The following MSRB3 variants were observed in gnomAD, a reference collection of about 807,000 sequenced individuals.
MSRB3 encodes the protein methionine-R-sulfoxide reductase B3.
MSRB3 carries 13 observed loss-of-function variants against 21.0 expected under a neutral mutation model. The ratio of observed to expected loss-of-function variants is 0.62; its 90% confidence interval spans 0.40 to 0.98. The LOEUF is 0.98. MSRB3 is among the 50% of genes least tolerant of loss of function. The pLI, the probability that MSRB3 is intolerant of heterozygous loss-of-function variation, is 0.00. For synonymous variants in MSRB3, 87 were observed against 88.6 expected (o/e 0.98, Z 0.10); for missense variants, 199 against 230.3 (o/e 0.86, Z 0.88).
At chr12:65,371,859 C>CA (rs1878347881) in intron 5 of MSRB3, among the ~76,000 whole-genome samples, 1 of 151,724 alleles carries the variant, frequency 6.6e-6, no homozygotes, top group African/African-American at 2.4e-5. Context: ...TTTTTTTTTA[C>CA]AAAAGCAAAT....
chr12:65,417,758 T>C (rs1379830439), intron 5 of MSRB3, among the ~76,000 whole-genome samples: 1 of 152,226 alleles, frequency 6.6e-6, no homozygotes, highest in East Asian at 1.9e-4. Context: ...GCCTGGCTTG[T>C]TTCAATTAAC....
intron 1 of MSRB3, among the ~76,000 whole-genome samples, chr12:65,280,358 A>AT (rs1046315167): frequency 6.6e-5 from 10 of 152,190 alleles, no homozygotes; most frequent in Admixed American, 5.9e-4. Context: ...CTAATTTCAC[A>AT]TTTTTCAATG....
intron 5 of MSRB3, among the ~76,000 whole-genome samples, chr12:65,383,989 C>T (rs561993518): frequency 2.6e-5 from 4 of 151,966 alleles, no homozygotes; most frequent in East Asian, 1.9e-4. Context: ...ATATGCTGCT[C>T]GATAACAATC....
intron 2 of MSRB3, among the ~76,000 whole-genome samples, chr12:65,311,533 C>T (rs570715039): frequency 6.6e-6 from 1 of 151,894 alleles, no homozygotes; most frequent in Non-Finnish European, 1.5e-5. Context: ...AGTAATGAAA[C>T]AGACTGCTTA....
intron 4 of MSRB3, among the ~76,000 whole-genome samples, chr12:65,355,884 A>G (rs1169308163): frequency 5.3e-5 from 8 of 151,888 alleles, no homozygotes; most frequent in Admixed American, 3.3e-4. Context: ...TTGAGGTTCA[A>G]ACTGTGGATC....
At chr12:65,442,274 G>T (rs1271262903) in intron 5 of MSRB3, among the ~76,000 whole-genome samples, 1 of 151,952 alleles carries the variant, frequency 6.6e-6, no homozygotes, top group African/African-American at 2.4e-5. Flanking sequence ...CCCCTCAGAA[G>T]TAATCTTACA....
chr12:65,399,995 T>G (rs1269872994), intron 5 of MSRB3, among the ~76,000 whole-genome samples: 1 of 152,176 alleles, frequency 6.6e-6, no homozygotes, highest in Middle Eastern at 3.2e-3. Context: ...GTTGCTGGAT[T>G]TGGTTTGCCA....
chr12:65,427,630 G>C (rs984944783), intron 5 of MSRB3, among the ~76,000 whole-genome samples: 2 of 152,308 alleles, frequency 1.3e-5, no homozygotes, highest in Non-Finnish European at 2.9e-5. Flanking sequence ...GGCACAAAAG[G>C]AAGGAATATG....
rs577784403 is a variant in MSRB3 at position 65,306,292 on chromosome 12, T to A, written c.-51-2237T>A. On this transcript the variant is annotated intron_variant, in intron 1 of 6. Coordinates refer to ENST00000308259, the MANE Select transcript of MSRB3 (RefSeq NM_001031679.3). ...AATCATTTCAGTATAAAAATACATG[T>A]TAGAGCCATATTAACTATGATTCTT... Among the ~76,000 whole-genome samples the A allele has an allele frequency of 2.6e-3, 398 of 152,346 alleles. 1 individual carries two copies. The highest frequency in any genetic ancestry group is 9.1e-3 in the African/African-American group (379 of 41,582).
chr12:65,404,816 T>C (rs894118031), intron 5 of MSRB3, among the ~76,000 whole-genome samples: 6 of 152,188 alleles, frequency 3.9e-5, no homozygotes. Flanking sequence ...TACATTGTTA[T>C]TAATTATTGT....
At chr12:65,424,099 T>C (rs997297536) in intron 5 of MSRB3, among the ~76,000 whole-genome samples, 1 of 152,182 alleles carries the variant, frequency 6.6e-6, no homozygotes, top group Admixed American at 6.5e-5. Context: ...TCATTTCTTC[T>C]AGGTCATCCA....
intron 1 of MSRB3, among the ~76,000 whole-genome samples, chr12:65,293,416 C>G (rs1338236983): frequency 1.3e-5 from 2 of 152,156 alleles, no homozygotes; most frequent in Admixed American, 6.5e-5. Flanking sequence ...CACCTGTCAG[C>G]CTTATCATTT....
At chr12:65,354,272 T>C (rs148765291) in intron 4 of MSRB3, among the ~76,000 whole-genome samples, 30 of 152,172 alleles carry the variant, frequency 2.0e-4, no homozygotes, top group African/African-American at 7.2e-4. Flanking sequence ...AATGTTGGCG[T>C]GCCCTGCTAG....
chr12:65,354,940 T>C (rs182688646), intron 4 of MSRB3, among the ~76,000 whole-genome samples: 189 of 151,928 alleles, frequency 1.2e-3, no homozygotes, highest in Non-Finnish European at 2.0e-3. Context: ...TATGCTACTA[T>C]AGTTAAAGTA....
At position 65,356,327 on chromosome 12, in the gene MSRB3, C is replaced by T. The variant is rs181894166; in HGVS notation, c.264-12671C>T. On this transcript the variant is annotated intron_variant, in intron 4 of 6. Coordinates refer to ENST00000308259, the MANE Select transcript of MSRB3 (RefSeq NM_001031679.3). ...GTAGCAAATGTATTATTTTTTGCCT[C>T]GGGGCTGGGTCTTTTTCTGATGGAT... is the stretch of plus-strand genomic sequence containing the variant. Among the ~76,000 whole-genome samples, 536 of 151,734 alleles carry T rather than the reference C, an allele frequency of 3.5e-3. 4 individuals carry two copies. The highest frequency in any genetic ancestry group is 0.012 in the African/African-American group (502 of 41,476).
intron 5 of MSRB3, among the ~76,000 whole-genome samples, chr12:65,396,794 A>G (rs1879843104): frequency 6.6e-6 from 1 of 152,052 alleles, no homozygotes; most frequent in African/African-American, 2.4e-5. Flanking sequence ...GATGTGGTCT[A>G]TCTTGGTAAA....
At chr12:65,416,979 G>A (rs1881015706) in intron 5 of MSRB3, among the ~76,000 whole-genome samples, 1 of 152,012 alleles carries the variant, frequency 6.6e-6, no homozygotes, top group Non-Finnish European at 1.5e-5. Context: ...TTTATCCCCT[G>A]CTCAGACAAC....
rs139709586 is a variant in MSRB3, at chr12:65,465,580, C to T, written c.*2258C>T. Reference sequence around the variant, plus strand: ...CACCTCTCTAAGAAGCCTGACATCCCGGTGGACTCTTTATAGTCATGTACA... The same window carrying T: ...CACCTCTCTAAGAAGCCTGACATCCTGGTGGACTCTTTATAGTCATGTACA... On this transcript the variant is annotated 3_prime_UTR_variant, in exon 7 of 7. Coordinates refer to ENST00000308259, the MANE Select transcript of MSRB3 (RefSeq NM_001031679.3). 3.3e-5 allele frequency: 5 copies of T among 152,204 alleles called. No homozygotes were observed. The East Asian group carries it at 7.7e-4, about 24-fold the overall frequency. The allele number at this position is 152,204 out of a possible 1,614,324, so 9.4% of individuals were successfully genotyped here.
At chr12:65,390,557 G>A (rs952018329) in intron 5 of MSRB3, among the ~76,000 whole-genome samples, 1 of 152,194 alleles carries the variant, frequency 6.6e-6, no homozygotes, top group Non-Finnish European at 1.5e-5. Flanking sequence ...AATATTACTA[G>A]TGGGAATATA....
Sources: gnomAD v4.1 joint callset for allele counts (sites outside exome capture counted in the v4.1 genomes callset) on GRCh38, gnomAD v4.1.1 for gene constraint, MANE v1.5 for transcripts, NCBI Gene and HGNC (gene_info 2026-07-23, HGNC 2026-07-21) for gene names.